PACS2: variants seen among roughly 807,000 people sequenced by gnomAD.
PACS2 encodes PACS1-like protein.
A neutral mutation model predicts 113.0 loss-of-function variants in PACS2; 36 were observed. The ratio of observed to expected loss-of-function variants is 0.32; its 90% CI spans 0.24 to 0.42. PACS2 has a LOEUF of 0.42. Among genes scored for constraint, PACS2 ranks in the 10% least tolerant of loss-of-function variants. PACS2 has a pLI of 1.00. For missense variants in PACS2, 1,015 were observed against 1,239.5 expected (o/e 0.82, Z 2.72); for synonymous variants, 589 against 536.1 (o/e 1.10, Z -1.36).
intron 1 of PACS2, among the ~76,000 whole-genome samples, chr14:105,316,663 C>T (rs757280828): frequency 1.3e-5 from 2 of 152,192 alleles, no homozygotes; most frequent in East Asian, 3.9e-4. Flanking sequence ...GCTCTATTCT[C>T]CAGGGGTCTA....
At chr14:105,387,549 G>A (rs2141277873) in intron 19 of PACS2, among the ~76,000 whole-genome samples, 1 of 152,356 alleles carries the variant, frequency 6.6e-6, no homozygotes, top group East Asian at 1.9e-4. Context: ...ACATGTGTGT[G>A]CCTCCAGGGT....
intron 9 of PACS2, among the ~76,000 whole-genome samples, chr14:105,377,307 C>T (rs1228549780): frequency 6.6e-6 from 1 of 151,974 alleles, no homozygotes; most frequent in Non-Finnish European, 1.5e-5. Context: ...AGCTCCCATG[C>T]TGGGTGCCCC....
rs2059225810 is a variant in PACS2, at chr14:105,329,554, C to T, written c.119+14517C>T. Among the ~76,000 whole-genome samples the T allele has an allele frequency of 6.6e-6, 1 of 152,100 alleles. No individual in the cohort carries two copies. Among genetic ancestry groups the T allele is most frequent in the South Asian group, 2.1e-4 (1 of 4,830 alleles). ...GCTCATGGGGCAGTAGAGTGGGGGG[C>T]TGTGGTCCTGGGCACCCTCTGGAGA... On this transcript the variant is annotated intron_variant, in intron 1 of 24. Transcript: ENST00000447393. The surrounding 1 kb of genome is among the most constrained non-coding windows in gnomAD (Gnocchi z 6.4).
intron 7 of PACS2, 52 bp from the exon 8 acceptor site, chr14:105,369,789 G>A: frequency 1.4e-6 from 2 of 1,462,372 alleles, no homozygotes; most frequent in Non-Finnish European, 1.8e-6. Context: ...GGCTCCAGCG[G>A]CGGGTCTGCA....
Position 105,324,941 on chromosome 14 carries a change from G to C in PACS2, c.119+9904G>C, listed in dbSNP as rs587695561. 6.6e-6 allele frequency among the ~76,000 whole-genome samples: 1 copy of C among 152,190 alleles called. No individual in the cohort carries two copies. Among genetic ancestry groups the C allele is most frequent in the Admixed American group, 6.5e-5 (1 of 15,300 alleles). On this transcript the variant is annotated intron_variant, in intron 1 of 24. Transcript: ENST00000447393. This position sits in a 1 kb window ranked among gnomAD's most constrained non-coding sequence, Gnocchi z 4.7. ...AGGGAAGACACTGGGGAAGGGGTGG[G>C]TCTGCCCTTCCTGCTGGGGGTGCAC... is the stretch of plus-strand genomic sequence containing the variant.
chr14:105,341,062 C>A (rs2059703816), intron 1 of PACS2, among the ~76,000 whole-genome samples: 2 of 152,238 alleles, frequency 1.3e-5, no homozygotes, highest in South Asian at 4.1e-4. Context: ...CTCCTGAGAC[C>A]TGCAGTGCCT....
At chr14:105,379,894 A>G in intron 10 of PACS2, 65 bp downstream of exon 10, 1 of 1,501,524 alleles carries the variant, frequency 6.7e-7, no homozygotes, top group South Asian at 1.1e-5. Flanking sequence ...GTGTGGCCCA[A>G]ATCTCCCAGC....
intron 1 of PACS2, among the ~76,000 whole-genome samples, chr14:105,331,241 C>T (rs1330299245): frequency 6.6e-6 from 1 of 152,220 alleles, no homozygotes; most frequent in Non-Finnish European, 1.5e-5. Flanking sequence ...AGGCATGAGC[C>T]ACCGTGCCCA....
chr14:105,383,264 C>T (rs782676720), intron 15 of PACS2, 95 bp from the exon 16 acceptor site: 66 of 1,418,240 alleles, frequency 4.7e-5, no homozygotes, highest in Non-Finnish European at 5.9e-5. Flanking sequence ...GCCACAGGCA[C>T]GGAGCCCCCT....
intron 1 of PACS2, among the ~76,000 whole-genome samples, chr14:105,328,499 A>G (rs142660498): frequency 1.3e-5 from 2 of 152,206 alleles, no homozygotes; most frequent in Non-Finnish European, 2.9e-5. Flanking sequence ...CATAGAGAAC[A>G]GGGGCCCAGA....
intron 6 of PACS2, 103 bp downstream of exon 6, chr14:105,368,250 T>C: frequency 1.1e-6 from 1 of 920,802 alleles, no homozygotes; most frequent in Non-Finnish European, 1.7e-6. Flanking sequence ...TGAGGGTGGG[T>C]GAGCCACGGG....
At position 105,376,847 on chromosome 14, in the gene PACS2, A is replaced by G. The variant is rs2080799765; in HGVS notation, c.881A>G (p.Asp294Gly). The G allele has an allele frequency of 6.2e-7, 1 of 1,613,070 alleles. No homozygotes were observed. The highest frequency in any genetic ancestry group is 1.1e-5 in the South Asian group (1 of 91,086). ...EDLDLLYDTL[D>G]MEHPSDSGPD... ...CTGGACCTCCTGTATGACACCCTGG[A>G]CATGGAGCACCCCAGCGACAGCGGC... The change falls in exon 9 of 25, where the codon GAC becomes GGC. Residue 294 changes from aspartate to glycine, a missense_variant. Around this residue, in one of 3 missense-constraint regions of PACS2, gnomAD observed 859 missense variants for 1,056.8 expected, o/e 0.81. Coordinates refer to ENST00000447393, the MANE Select transcript of PACS2 (RefSeq NM_001100913.3). The surrounding 1 kb of genome is among the most constrained non-coding windows in gnomAD (Gnocchi z 4.7).
intron 8 of PACS2, chr14:105,372,909 AAAG>A (rs368228693): frequency 3.3e-5 from 5 of 152,348 alleles, no homozygotes; most frequent in African/African-American, 7.2e-5. Flanking sequence ...CTCAAAAAAA[AAAG>A]AAAAAAGCCA....
chr14:105,380,381 A>AG (rs1415047973), intron 11 of PACS2, among the ~76,000 whole-genome samples: 2 of 150,628 alleles, frequency 1.3e-5, no homozygotes, highest in Non-Finnish European at 3.0e-5. Context: ...CCCCACCCTC[A>AG]GGGTCAGGGC....
intron 12 of PACS2, among the ~76,000 whole-genome samples, 175 bp downstream of exon 12, chr14:105,381,274 G>A (rs949206172): frequency 1.3e-5 from 2 of 152,180 alleles, no homozygotes; most frequent in South Asian, 2.1e-4. Flanking sequence ...CCCCTGGCCC[G>A]GCATTGGGTG....
At position 105,365,085 on chromosome 14, in the gene PACS2, G is replaced by A. The variant is rs1227535228; in HGVS notation, c.424-2128G>A. ...GGGGTGGAGGGAGCTGGGCCCTGGG[G>A]CCACCCTCCCTGGTGAGGCAGCTCC... On this transcript the variant is annotated intron_variant, in intron 4 of 24. Transcript: ENST00000447393. This position sits in a 1 kb window ranked among gnomAD's most constrained non-coding sequence, Gnocchi z 5.1. Among the ~76,000 whole-genome samples the A allele has an allele frequency of 1.3e-5, 2 of 152,238 alleles. No homozygotes were observed. The highest frequency in any genetic ancestry group is 2.9e-5 in the Non-Finnish European group (2 of 68,036).
In PACS2 at chr14:105,381,046, G is replaced by A; in HGVS notation, c.1215G>A (p.Leu405=). ...CCCTGGATGTGTTCACGGAGAGGCT[G>A]CCGCCCAGCGGGAGGATCACCAAGA... is the stretch of plus-strand genomic sequence containing the variant. ...ASTLDVFTER[L]PPSGRITKTE... The change falls in exon 12 of 25, where the codon CTG becomes CTA. Residue 405 remains leucine, a synonymous_variant. Coordinates refer to ENST00000447393, the MANE Select transcript of PACS2 (RefSeq NM_001100913.3). 6.2e-7 allele frequency: 1 copy of A among 1,612,414 alleles called. No homozygotes were observed. The highest frequency in any genetic ancestry group is 8.5e-7 in the Non-Finnish European group (1 of 1,179,674).
At chr14:105,339,335 C>T (rs1359257160) in intron 1 of PACS2, among the ~76,000 whole-genome samples, 4 of 151,322 alleles carry the variant, frequency 2.6e-5, no homozygotes, top group Non-Finnish European at 5.9e-5. Context: ...GAGAAAAGCC[C>T]ATCTCTACTG....
At position 105,306,948 on chromosome 14, in the gene PACS2, C is replaced by T. The variant is rs139551764; in HGVS notation, c.-83+5969C>T. ...GTGGTGCTTTGACATCTTGGGGTCT[C>T]GTGGACCTAGAGAGGGACTCCCCTC... On this transcript the variant is annotated intron_variant, in intron 1 of 23. Coordinates refer to the PACS2 transcript ENST00000430725. Among the ~76,000 whole-genome samples the T allele has an allele frequency of 1.6e-4, 24 of 152,014 alleles. 1 individual carries two copies. Among genetic ancestry groups the T allele is most frequent in the African/African-American group, 5.6e-4 (23 of 41,434 alleles).
Sources: gnomAD v4.1 joint callset for allele counts (sites outside exome capture counted in the v4.1 genomes callset) on GRCh38, gnomAD v4.1.1 for gene constraint, gnomAD v4.1.1 regional missense constraint, Gnocchi (gnomAD v3.1) non-coding constraint, MANE v1.5 for transcripts, NCBI Gene and HGNC (gene_info 2026-07-23, HGNC 2026-07-21) for gene names.